SPG11: variants seen among roughly 807,000 people sequenced by gnomAD.
The protein encoded by SPG11 is spatacsin.
Under a neutral mutation model 274.0 loss-of-function variants are expected in SPG11, and 222 were observed. That is an observed-to-expected ratio of 0.81 (90% CI 0.73 to 0.91). The LOEUF is 0.91. SPG11 is among the 40% of genes least tolerant of loss of function. The pLI is 0.00. For missense variants in SPG11, 3,114 were observed against 2,872.7 expected, an observed-to-expected ratio of 1.08 and a Z score of -1.92; for synonymous variants, 1,144 against 1,039.7, an observed-to-expected ratio of 1.10 and a Z score of -1.93.
chr15:44,627,750 T>C (rs545043445), intron 10 of SPG11, among the ~76,000 whole-genome samples: 96 of 151,966 alleles, frequency 6.3e-4, no homozygotes, highest in Non-Finnish European at 9.9e-4. Flanking sequence ...CCACCACACC[T>C]GGCTAATTTT....
At position 44,569,623 on chromosome 15, in the gene SPG11, T is replaced by C; in HGVS notation, c.6478-118A>G. ...CAAGCTCCAGGAGGAGAAGGGCTAA[T>C]TTCCAGGCTACCATGCTTAGCTCCC... On this transcript the variant is annotated intron_variant, in intron 34 of 39. Transcript: ENST00000261866. 5.2e-6 allele frequency: 4 copies of C among 775,744 alleles called. No homozygotes were observed. In the East Asian group the frequency reaches 1.1e-4, roughly 21 times the overall value. 48.1% of individuals were successfully genotyped at this position (775,744 alleles called of 1,614,324 possible).
intron 33 of SPG11, among the ~76,000 whole-genome samples, chr15:44,570,869 A>G (rs1249907401): frequency 1.3e-5 from 2 of 152,142 alleles, no homozygotes; most frequent in Non-Finnish European, 2.9e-5. Flanking sequence ...TCATGGCACA[A>G]TCCTCAAAGA....
chr15:44,614,377 C>A (rs1174134037), intron 16 of SPG11, among the ~76,000 whole-genome samples: 2 of 152,034 alleles, frequency 1.3e-5, no homozygotes, highest in Non-Finnish European at 2.9e-5. Context: ...CAGGTGTGTG[C>A]CACTATGCCT....
chr15:44,606,642 G>C (rs995615428), intron 19 of SPG11, among the ~76,000 whole-genome samples: 10 of 152,070 alleles, frequency 6.6e-5, no homozygotes, highest in Non-Finnish European at 1.3e-4. Context: ...ATTTTTCTAG[G>C]CCAAATGTTT....
At chr15:44,642,943 A>G (rs2084496534) in intron 7 of SPG11, among the ~76,000 whole-genome samples, 1 of 152,194 alleles carries the variant, frequency 6.6e-6, no homozygotes. Flanking sequence ...GAATAGGATC[A>G]GGGCAGGGCA....
intron 20 of SPG11, among the ~76,000 whole-genome samples, chr15:44,603,083 G>T (rs1198612848): frequency 6.9e-6 from 1 of 145,714 alleles, no homozygotes; most frequent in Non-Finnish European, 1.5e-5. Context: ...TGGACACAGG[G>T]TCTTGCTGTT....
rs1281033518 is a variant in SPG11 at position 44,566,275 on chromosome 15, T to G, written c.6785A>C (p.Lys2262Thr). Residue 2262 changes from lysine (K) to threonine (T), a missense_variant, in exon 37 of 40, where the codon AAA (lysine) becomes ACA (threonine). Transcript: ENST00000261866. ...AGTCAGGGCCTTCAGCAGCAGTTGT[T>G]TCAGCTGGTGCCCATCCTTGAGGCT... ...EDSLKDGHQL[K>T]QLLLKALTLM... 1 of 1,614,188 alleles carries G rather than the reference T, an allele frequency of 6.2e-7. No individual in the cohort carries two copies. The highest frequency in any genetic ancestry group is 1.1e-5 in the South Asian group (1 of 91,082).
At chr15:44,619,888 T>C (rs1023895464) in intron 15 of SPG11, among the ~76,000 whole-genome samples, 3 of 152,068 alleles carry the variant, frequency 2.0e-5, no homozygotes, top group Non-Finnish European at 2.9e-5. Context: ...GGCTAATTTT[T>C]GTATTTTTGT....
In SPG11 at chr15:44,608,953, GAT is replaced by G. The variant is rs538960096; in HGVS notation, c.3292-350_3292-349del. The stretch of plus-strand genomic sequence containing the variant: ...ATATATTTTAAAATATTTACAAACT[GAT>G]AAACTAGATGACTTCTTACCCAACT... On this transcript the variant is annotated intron_variant, in intron 18 of 39. Transcript: ENST00000261866. Among the ~76,000 whole-genome samples, 1,203 of 152,188 alleles carry G rather than the reference GAT, an allele frequency of 7.9e-3. 16 individuals are homozygous for G. Among genetic ancestry groups the G allele is most frequent in the African/African-American group, 0.025 (1,037 of 41,528 alleles).
intron 28 of SPG11, among the ~76,000 whole-genome samples, chr15:44,588,252 T>A (rs571840430): frequency 6.6e-6 from 1 of 151,866 alleles, no homozygotes; most frequent in African/African-American, 2.4e-5. Context: ...TTTGAGTCAA[T>A]CAGCAACAAG....
At chr15:44,583,485 A>C (rs1350098845) in intron 30 of SPG11, among the ~76,000 whole-genome samples, 1 of 152,216 alleles carries the variant, frequency 6.6e-6, no homozygotes. Context: ...AAAACCAAAA[A>C]GAAAAACAAA....
intron 1 of SPG11, among the ~76,000 whole-genome samples, chr15:44,663,024 T>C (rs760663433): frequency 1.3e-5 from 2 of 152,240 alleles, no homozygotes; most frequent in South Asian, 2.1e-4. Context: ...CATCTTTAAC[T>C]GAAAGAAATG....
In SPG11 at chr15:44,646,791, A is replaced by G. The variant is rs553327912; in HGVS notation, c.1602+2075T>C. Among the ~76,000 whole-genome samples the G allele has an allele frequency of 8.0e-4, 122 of 152,230 alleles. 3 individuals carry two copies. The South Asian group carries it at 0.024, about 30-fold the overall frequency. The stretch of plus-strand genomic sequence containing the variant: ...AGCTAAACACAGTACACATGAACAA[A>G]AAGAAGAGAACAACAGACACTGGGG... On this transcript the variant is annotated intron_variant, in intron 7 of 39. Transcript: ENST00000261866.
intron 20 of SPG11, chr15:44,604,294 T>G (rs528965717): frequency 7.2e-5 from 23 of 319,318 alleles, no homozygotes; most frequent in Admixed American, 1.7e-4. Context: ...TTAAAAAAAC[T>G]GTCACATGCC....
At chr15:44,583,381 C>G (rs2082693024) in intron 30 of SPG11, among the ~76,000 whole-genome samples, 1 of 152,196 alleles carries the variant, frequency 6.6e-6, no homozygotes, top group East Asian at 1.9e-4. Flanking sequence ...TCACTTGAAC[C>G]TGGGAGGCGG....
chr15:44,645,883 T>C (rs2084594481), intron 7 of SPG11, among the ~76,000 whole-genome samples: 1 of 152,096 alleles, frequency 6.6e-6, no homozygotes, highest in South Asian at 2.1e-4. Flanking sequence ...GAAAAAATGC[T>C]CAATATCACT....
At position 44,583,952 on chromosome 15, in the gene SPG11, A is replaced by T; in HGVS notation, c.5728T>A (p.Leu1910Met). The T allele has an allele frequency of 6.2e-7, 1 of 1,614,204 alleles. No individual in the cohort carries two copies. The highest frequency in any genetic ancestry group is 8.5e-7 in the Non-Finnish European group (1 of 1,180,040). The change falls in exon 30 of 40, where the codon TTG becomes ATG. Residue 1910 changes from leucine (L) to methionine (M), a missense_variant. Leu to Met is a conservative substitution (Grantham distance 15). Coordinates refer to ENST00000261866, the MANE Select transcript of SPG11 (RefSeq NM_025137.4). ...GCCAGTGCTCTGCAGTGCAATACCA[A>T]GGCGACATCTGGATTATAAAAATGA... Reference protein sequence around the residue: ...YFHFYNPDVALVLHCRALASG... With the variant: ...YFHFYNPDVAMVLHCRALASG...
chr15:44,663,595 C>G lies in SPG11; in HGVS notation c.53G>C (p.Gly18Ala). 6.3e-7 allele frequency: 1 copy of G among 1,596,240 alleles called. No homozygotes were observed. The highest frequency in any genetic ancestry group is 8.5e-7 in the Non-Finnish European group (1 of 1,174,820). ...ASAASAGGSW[G>A]TAAMGRVLPM... ...TAGAACCCGCCCCATGGCCGCGGTGCCCCAGCTACCGCCGGCGGAAGCAGC... is the reference window on the plus strand; with the variant it reads ...TAGAACCCGCCCCATGGCCGCGGTGGCCCAGCTACCGCCGGCGGAAGCAGC... Residue 18 changes from glycine to alanine, a missense_variant, in exon 1 of 40, where the codon GGC becomes GCC. By Grantham distance (60) the Gly-to-Ala change is moderately conservative. Coordinates refer to ENST00000261866, the MANE Select transcript of SPG11 (RefSeq NM_025137.4).
At position 44,663,396 on chromosome 15, in the gene SPG11, G is replaced by A. The variant is rs1435186550; in HGVS notation, c.252C>T (p.Phe84=). 2.5e-6 allele frequency: 4 copies of A among 1,607,538 alleles called. No individual in the cohort carries two copies. In the African/African-American group the frequency reaches 5.3e-5, roughly 21 times the overall value. Residue 84 remains phenylalanine, a synonymous_variant, in exon 1 of 40, where the codon TTC becomes TTT. Transcript: ENST00000261866. ...AACTCTCCCTCAGCACTTACTGCCAGAAGGGGCCCTCCAGGCAGCAGCGAC... is the reference window on the plus strand; with the variant it reads ...AACTCTCCCTCAGCACTTACTGCCAAAAGGGGCCCTCCAGGCAGCAGCGAC... ...GGGRCCLEGP[F]WHFLWEDSRN... is the part of the protein sequence containing the mutation.
Sources: gnomAD v4.1 joint callset for allele counts (sites outside exome capture counted in the v4.1 genomes callset) on GRCh38, gnomAD v4.1.1 for gene constraint, MANE v1.5 for transcripts, NCBI Gene and HGNC (gene_info 2026-07-23, HGNC 2026-07-21) for gene names.